SLC25A31: variants seen among roughly 807,000 people sequenced by gnomAD.
SLC25A31 encodes the protein ADP/ATP translocase 4.
SLC25A31 carries 40 observed loss-of-function variants against 36.2 expected under a neutral mutation model. The observed-to-expected ratio is 1.10, with a 90% confidence interval of 0.86 to 1.44. The LOEUF is 1.44. Ranked by LOEUF, SLC25A31 falls within the 40% of genes most tolerant of loss-of-function variation. The pLI, the probability that SLC25A31 is intolerant of heterozygous loss-of-function variation, is 0.00. For synonymous variants in SLC25A31, 143 were observed against 149.7 expected (o/e 0.96, Z 0.32); for missense variants, 350 against 397.1 (o/e 0.88, Z 1.01).
intron 2 of SLC25A31, among the ~76,000 whole-genome samples, chr4:127,760,679 A>G (rs1732109626): frequency 6.6e-6 from 1 of 152,118 alleles, no homozygotes; most frequent in South Asian, 2.1e-4. Flanking sequence ...AAATAGGATT[A>G]TTTTTCCTCA....
chr4:127,750,939 A>T (rs951345986), intron 2 of SLC25A31, among the ~76,000 whole-genome samples: 1 of 152,200 alleles, frequency 6.6e-6, no homozygotes, highest in African/African-American at 2.4e-5. Context: ...ATTTTTAATT[A>T]AAAAACATAG....
At chr4:127,772,048 G>C (rs183423076) in intron 5 of SLC25A31, among the ~76,000 whole-genome samples, 11 of 152,056 alleles carry the variant, frequency 7.2e-5, no homozygotes, top group Non-Finnish European at 1.3e-4. Context: ...TTCTTGTATT[G>C]CTCTAGTATG....
In SLC25A31 at chr4:127,768,819, C is replaced by T; in HGVS notation, c.701C>T (p.Thr234Ile). The T allele has an allele frequency of 1.9e-6, 3 of 1,608,666 alleles. No homozygotes were observed. Among genetic ancestry groups the T allele is most frequent in the Non-Finnish European group, 2.5e-6 (3 of 1,177,452 alleles). Residue 234 changes from threonine (T) to isoleucine (I), a missense_variant, in exon 5 of 6, where the codon ACA (threonine) becomes ATA (isoleucine). Physicochemically the swap from Thr to Ile is moderately conservative, Grantham distance 89 (BLOSUM62 -1). Coordinates refer to ENST00000281154, the MANE Select transcript of SLC25A31 (RefSeq NM_031291.4). ...TTTTTCATTGCTCAAGTTGTGACTA[C>T]ATGCTCTGGAATACTTTCTTATCCC... is the stretch of plus-strand genomic sequence containing the variant. ...VSFFIAQVVT[T>I]CSGILSYPFD...
Position 127,767,126 on chromosome 4 carries a change from A to G in SLC25A31, c.539A>G (p.Asp180Gly). 1.9e-6 allele frequency: 3 copies of G among 1,613,778 alleles called. No homozygotes were observed. The highest frequency in any genetic ancestry group is 2.5e-6 in the Non-Finnish European group (3 of 1,179,830). ...GDCIMKIAKS[D>G]GIAGLYQGFG... is the part of the protein sequence containing the mutation. ...TGTATTATGAAAATAGCAAAATCAG[A>G]TGGAATTGCTGGTTTATACCAAGGG... The change falls in exon 4 of 6, where the codon GAT (aspartate) becomes GGT (glycine). Residue 180 changes from aspartate to glycine, a missense_variant. Coordinates refer to ENST00000281154, the MANE Select transcript of SLC25A31 (RefSeq NM_031291.4).
intron 2 of SLC25A31, among the ~76,000 whole-genome samples, chr4:127,753,538 A>T (rs573258830): frequency 1.3e-5 from 2 of 152,268 alleles, no homozygotes; most frequent in African/African-American, 4.8e-5. Context: ...TTTATGCCAT[A>T]TAAGTTATGA....
chr4:127,770,630 AAAAAAG>A (rs555759140), intron 5 of SLC25A31, among the ~76,000 whole-genome samples: 1 of 152,102 alleles, frequency 6.6e-6, no homozygotes, highest in South Asian at 2.1e-4. Context: ...GTCTCAAAAA[AAAAAAG>A]AAAAAGAAAA....
At chr4:127,739,802 C>T (rs748525239) in intron 1 of SLC25A31, among the ~76,000 whole-genome samples, 1 of 151,860 alleles carries the variant, frequency 6.6e-6, no homozygotes, top group Non-Finnish European at 1.5e-5. Flanking sequence ...GTATTTTTGT[C>T]TAACTGGGTT....
chr4:127,730,484 T>C lies in SLC25A31; in HGVS notation c.-62T>C. 1 of 1,537,212 alleles carries C rather than the reference T, an allele frequency of 6.5e-7. No homozygotes were observed. The highest frequency in any genetic ancestry group is 1.4e-5 in the African/African-American group (1 of 73,546). ...GCGGTTTTCCGGTTTTCCGCTTCCC[T>C]TCATCGTAGCTCCCGTACTCATTTT... On this transcript the variant is annotated 5_prime_UTR_variant, in exon 1 of 6. Transcript: ENST00000281154.
chr4:127,757,170 A>G (rs1732046640), intron 2 of SLC25A31, among the ~76,000 whole-genome samples: 1 of 152,210 alleles, frequency 6.6e-6, no homozygotes, highest in Admixed American at 6.5e-5. Context: ...CAGGGGATAC[A>G]TACACGTCTG....
At chr4:127,749,164 C>T (rs964368425) in intron 2 of SLC25A31, among the ~76,000 whole-genome samples, 1 of 151,122 alleles carries the variant, frequency 6.6e-6, no homozygotes, top group Non-Finnish European at 1.5e-5. Flanking sequence ...GCTTTAACAG[C>T]TGACGCAATC....
chr4:127,746,242 A>G (rs1037876206), intron 2 of SLC25A31, among the ~76,000 whole-genome samples: 2 of 152,134 alleles, frequency 1.3e-5, no homozygotes, highest in East Asian at 1.9e-4. Flanking sequence ...GGTTTTTGCT[A>G]TTGTGAGTAG....
intron 2 of SLC25A31, among the ~76,000 whole-genome samples, chr4:127,752,488 A>G (rs1236291292): frequency 6.6e-6 from 1 of 152,130 alleles, no homozygotes; most frequent in Non-Finnish European, 1.5e-5. Context: ...TAATGGGTGC[A>G]GGACACCAAC....
Position 127,744,795 on chromosome 4 carries a change from AAC to A in SLC25A31, c.358_359del (p.Gln120ValfsTer42). On this transcript the variant is annotated frameshift_variant and splice_region_variant, in exon 2 of 6. Coordinates refer to ENST00000281154, the MANE Select transcript of SLC25A31 (RefSeq NM_031291.4). LOFTEE classifies it high-confidence loss of function. ...TTCATGTCTGGAGTTAATAAAGAAA[AAC>A]AGGTAATTATATTTTTTTTTTACTT... 1 of 1,506,122 alleles carries A rather than the reference AAC, an allele frequency of 6.6e-7. No homozygotes were observed. The highest frequency in any genetic ancestry group is 8.9e-7 in the Non-Finnish European group (1 of 1,118,812). The allele number at this position is 1,506,122 out of a possible 1,614,324, so 93.3% of individuals were successfully genotyped here. A position where few individuals can be genotyped will look rare whatever the true frequency, so the allele number is the denominator to read the frequency against.
At chr4:127,771,797 A>G (rs747818047) in intron 5 of SLC25A31, among the ~76,000 whole-genome samples, 4 of 152,206 alleles carry the variant, frequency 2.6e-5, no homozygotes, top group Admixed American at 6.5e-5. Flanking sequence ...GATTACAACA[A>G]TTTTTAATTA....
intron 1 of SLC25A31, among the ~76,000 whole-genome samples, chr4:127,735,886 TTATTTATTTA>T (rs1194343245): frequency 7.6e-5 from 4 of 52,292 alleles, no homozygotes; most frequent in South Asian, 9.9e-4. Flanking sequence ...ATTTATTTAT[TTATTTATTTA>T]TTTTTTTTTT....
intron 1 of SLC25A31, among the ~76,000 whole-genome samples, chr4:127,739,570 T>G (rs1303194161): frequency 6.6e-6 from 1 of 152,198 alleles, no homozygotes; most frequent in East Asian, 1.9e-4. Flanking sequence ...CTATATGCCT[T>G]GGTGATTGAT....
intron 3 of SLC25A31, among the ~76,000 whole-genome samples, chr4:127,764,993 G>A (rs1214563377): frequency 3.3e-5 from 5 of 152,022 alleles, no homozygotes; most frequent in African/African-American, 7.2e-5. Flanking sequence ...TGCTTACTCC[G>A]GATCCTTTAG....
At chr4:127,761,569 GCT>G (rs1732130202) in intron 2 of SLC25A31, among the ~76,000 whole-genome samples, 1 of 152,028 alleles carries the variant, frequency 6.6e-6, no homozygotes, top group Non-Finnish European at 1.5e-5. Context: ...GTGTGTGTTT[GCT>G]CTGTTTTCTC....
chr4:127,768,602 T>C (rs1261984382), intron 4 of SLC25A31, 150 bp from the exon 5 acceptor site: 2 of 536,060 alleles, frequency 3.7e-6, no homozygotes, highest in Admixed American at 4.0e-5. Context: ...CCACTTTTTA[T>C]TGATCTGCTA....
Sources: allele counts gnomAD v4.1 joint callset (sites outside exome capture counted in the v4.1 genomes callset), GRCh38; gene constraint gnomAD v4.1.1; transcripts MANE v1.5; gene names NCBI Gene and HGNC (gene_info 2026-07-23, HGNC 2026-07-21).